The following MAP3K13 variants were observed in gnomAD, a reference collection of about 807,000 sequenced individuals.
MAP3K13 encodes leucine zipper-bearing kinase.
MAP3K13 carries 52 observed loss-of-function variants against 104.0 expected under a neutral mutation model. That is an observed-to-expected ratio of 0.50 (90% confidence interval 0.40 to 0.63). The LOEUF is 0.63. Among genes scored for constraint, MAP3K13 ranks in the 20% least tolerant of loss-of-function variants. The pLI is 0.00. For synonymous variants in MAP3K13, 394 were observed against 442.2 expected (o/e 0.89, Z 1.37); for missense variants, 914 against 1,218.5 (o/e 0.75, Z 3.72).
chr3:185,472,681 G>T (rs564642143), intron 10 of MAP3K13, among the ~76,000 whole-genome samples: 26 of 152,222 alleles, frequency 1.7e-4, no homozygotes, highest in Middle Eastern at 3.4e-3. Context: ...TCTGATAGGG[G>T]CTCTTTTCAA....
chr3:185,384,308 CTG>C (rs142627913), intron 1 of MAP3K13, among the ~76,000 whole-genome samples: 56 of 147,556 alleles, frequency 3.8e-4, no homozygotes, highest in East Asian at 3.2e-3. Context: ...GTATTCCATT[CTG>C]TGTGTGTGTG....
intron 2 of MAP3K13, among the ~76,000 whole-genome samples, chr3:185,341,525 C>T (rs924476832): frequency 2.0e-5 from 3 of 152,124 alleles, no homozygotes; most frequent in African/African-American, 4.8e-5. Context: ...GAAATATGCC[C>T]GGGAAACTAA....
chr3:185,365,847 T>C (rs1391051791), intron 1 of MAP3K13, among the ~76,000 whole-genome samples: 7 of 12,078 alleles, frequency 5.8e-4, no homozygotes, highest in Admixed American at 1.0e-3. Context: ...TACCTCTTTC[T>C]CCCCATCCCC....
chr3:185,297,734 CA>C (rs59750658), intron 2 of MAP3K13, among the ~76,000 whole-genome samples: 19,307 of 51,138 alleles, frequency 0.38, 1,544 homozygotes, highest in African/African-American at 0.47. Flanking sequence ...GACTCCGTCT[CA>C]AAAAAAAAAA....
At chr3:185,466,685 G>GT (rs995567314) in intron 9 of MAP3K13, 141 bp from the exon 10 acceptor site, 25 of 1,046,266 alleles carry the variant, frequency 2.4e-5, no homozygotes, top group Non-Finnish European at 3.1e-5. Flanking sequence ...CTGTTTGTTT[G>GT]TTTTTTAAAC....
chr3:185,377,895 A>C (rs1242588521), intron 1 of MAP3K13, among the ~76,000 whole-genome samples: 1 of 152,092 alleles, frequency 6.6e-6, no homozygotes, highest in Non-Finnish European at 1.5e-5. Context: ...GGACAGTCCG[A>C]TTTCCAGTGG....
At chr3:185,480,605 C>T in intron 13 of MAP3K13, 76 bp downstream of exon 13, 1 of 1,437,710 alleles carries the variant, frequency 7.0e-7, no homozygotes, top group East Asian at 2.3e-5. Flanking sequence ...AGGGCCTTTA[C>T]AATTTTCATT....
chr3:185,434,824 A>G (rs1236450542), intron 2 of MAP3K13, among the ~76,000 whole-genome samples: 12 of 152,140 alleles, frequency 7.9e-5, no homozygotes, highest in Admixed American at 7.9e-4. Flanking sequence ...CAAACAGTCT[A>G]ATTTTAGTAG....
At chr3:185,369,672 T>C (rs573840323) in intron 1 of MAP3K13, among the ~76,000 whole-genome samples, 1 of 152,200 alleles carries the variant, frequency 6.6e-6, no homozygotes, top group South Asian at 2.1e-4. Context: ...GTAGGCAATA[T>C]TGAAAACACT....
rs555612262 is a variant in MAP3K13 at position 185,341,761 on chromosome 3, A to G, written c.-86+56118A>G. Among the ~76,000 whole-genome samples, 3 of 152,354 alleles carry G rather than the reference A, an allele frequency of 2.0e-5. No individual in the cohort carries two copies. In the South Asian group the frequency reaches 6.2e-4, roughly 32 times the overall value. On this transcript the variant is annotated intron_variant, in intron 2 of 14. Transcript: ENST00000424227. Reference sequence around the variant, plus strand: ...AGACCAGGTCAGAGATTGGCAAACTATAGTCCACAGGCTGACTGCCTATTT... The same window carrying G: ...AGACCAGGTCAGAGATTGGCAAACTGTAGTCCACAGGCTGACTGCCTATTT...
At chr3:185,416,923 A>G (rs1395740475) in intron 1 of MAP3K13, among the ~76,000 whole-genome samples, 2 of 151,972 alleles carry the variant, frequency 1.3e-5, no homozygotes, top group African/African-American at 2.4e-5. Flanking sequence ...TTGCCCAGCT[A>G]TAAACCAAAT....
chr3:185,382,620 G>A (rs1164341957), intron 1 of MAP3K13, among the ~76,000 whole-genome samples: 1 of 152,080 alleles, frequency 6.6e-6, no homozygotes, highest in African/African-American at 2.4e-5. Context: ...GGTCATGGGG[G>A]CAGATCCCTC....
intron 2 of MAP3K13, among the ~76,000 whole-genome samples, chr3:185,330,024 C>A (rs931864168): frequency 7.1e-6 from 1 of 140,406 alleles, no homozygotes; most frequent in East Asian, 2.1e-4. Context: ...GGATTATAGG[C>A]GCCCGCCACC....
chr3:185,375,567 T>G (rs1360933338), intron 1 of MAP3K13, among the ~76,000 whole-genome samples: 1 of 152,152 alleles, frequency 6.6e-6, no homozygotes, highest in East Asian at 1.9e-4. Flanking sequence ...CCATTTGCCT[T>G]GTGCGGGAAG....
At chr3:185,411,571 A>G (rs957231643) in intron 1 of MAP3K13, among the ~76,000 whole-genome samples, 2 of 152,254 alleles carry the variant, frequency 1.3e-5, no homozygotes, top group Non-Finnish European at 2.9e-5. Flanking sequence ...GCAAACAAGT[A>G]CAATAATAAA....
chr3:185,354,247 C>T (rs1050420143), intron 2 of MAP3K13, among the ~76,000 whole-genome samples: 4 of 151,456 alleles, frequency 2.6e-5, no homozygotes, highest in Non-Finnish European at 5.9e-5. Flanking sequence ...CAGGACATAT[C>T]TATCTGCTAA....
At chr3:185,375,080 T>C (rs1198346006) in intron 1 of MAP3K13, among the ~76,000 whole-genome samples, 1 of 152,142 alleles carries the variant, frequency 6.6e-6, no homozygotes, top group Non-Finnish European at 1.5e-5. Context: ...CCTGAGAAAC[T>C]GCTTGGGTGA....
At chr3:185,301,404 G>A (rs1338357488) in intron 2 of MAP3K13, among the ~76,000 whole-genome samples, 3 of 151,708 alleles carry the variant, frequency 2.0e-5, no homozygotes, top group Non-Finnish European at 4.4e-5. Context: ...ACTTTTTAAG[G>A]TTGCCTTTTC....
chr3:185,385,363 G>A (rs1329265417), intron 1 of MAP3K13, among the ~76,000 whole-genome samples: 1 of 152,054 alleles, frequency 6.6e-6, no homozygotes, highest in Non-Finnish European at 1.5e-5. Context: ...AGTAGAGATG[G>A]GGTTTTGCCA....
Sources: gnomAD v4.1 joint callset for allele counts (sites outside exome capture counted in the v4.1 genomes callset) on GRCh38, gnomAD v4.1.1 for gene constraint, MANE v1.5 for transcripts, NCBI Gene and HGNC (gene_info 2026-07-23, HGNC 2026-07-21) for gene names.